ATP10B: variants seen among roughly 807,000 people sequenced by gnomAD.
ATP10B encodes phospholipid-transporting ATPase VB.
In ATP10B, 122 loss-of-function variants were observed where a neutral mutation model predicts 141.2. The ratio of observed to expected loss-of-function variants is 0.86; its 90% CI spans 0.75 to 1.00. The LOEUF (loss-of-function observed/expected upper bound fraction) is 1.00. Among genes scored for constraint, ATP10B ranks in the 50% least tolerant of loss-of-function variants. The pLI, the probability that ATP10B is intolerant of heterozygous loss-of-function variation, is 0.00. For missense variants in ATP10B, 1,876 were observed against 1,825.3 expected (o/e 1.03, Z -0.51); for synonymous variants, 685 against 692.0 (o/e 0.99, Z 0.16).
chr5:160,676,458 A>G (rs1406714573), intron 6 of ATP10B, among the ~76,000 whole-genome samples: 2 of 152,184 alleles, frequency 1.3e-5, no homozygotes, highest in Non-Finnish European at 2.9e-5. Context: ...TTGTTGCCAC[A>G]CTTCCCTGTA....
chr5:160,843,392 T>G (rs1775922999), intron 1 of ATP10B, among the ~76,000 whole-genome samples: 1 of 152,102 alleles, frequency 6.6e-6, no homozygotes, highest in African/African-American at 2.4e-5. Flanking sequence ...AATTGCCAGC[T>G]TTCCAAAGGT....
At chr5:160,878,300 T>G in the ATP10B span, among the ~76,000 whole-genome samples, 1 of 151,846 alleles carries the variant, frequency 6.6e-6, no homozygotes, top group Non-Finnish European at 1.5e-5. Flanking sequence ...CCCTATTTAA[T>G]AAATGGTGCT....
rs759268839 is a variant in ATP10B, at chr5:160,730,942, T to C, written c.-330-13908A>G. 1.9e-4 allele frequency among the ~76,000 whole-genome samples: 29 copies of C among 152,228 alleles called. 1 individual carries two copies. The highest frequency in any genetic ancestry group is 4.4e-5 in the Non-Finnish European group (3 of 68,040). ...GCTGCTGAGGCCGCTGGAGTTGTCCTGGCCCCTGTCCTTTCTGAGACCTGG... is the reference window on the plus strand; with the variant it reads ...GCTGCTGAGGCCGCTGGAGTTGTCCCGGCCCCTGTCCTTTCTGAGACCTGG... On this transcript the variant is annotated intron_variant, in intron 2 of 25. Transcript: ENST00000327245.
intron 1 of ATP10B, among the ~76,000 whole-genome samples, chr5:160,789,377 G>A (rs1034218478): frequency 2.0e-5 from 3 of 152,002 alleles, no homozygotes; most frequent in African/African-American, 2.4e-5. Flanking sequence ...CCTACTCTAC[G>A]CCTAGGCTGT....
intron 7 of ATP10B, among the ~76,000 whole-genome samples, chr5:160,652,876 A>C (rs1413933248): frequency 4.0e-5 from 2 of 49,420 alleles, no homozygotes; most frequent in Non-Finnish European, 7.3e-5. Context: ...TAATATATAT[A>C]ATATATATAT....
At chr5:160,626,733 G>A (rs79254659) in intron 13 of ATP10B, among the ~76,000 whole-genome samples, 1,913 of 152,288 alleles carry the variant, frequency 0.013, 51 homozygotes, top group African/African-American at 0.044. Flanking sequence ...CTGCTGCTCC[G>A]AGGACCACAG....
intron 7 of ATP10B, among the ~76,000 whole-genome samples, chr5:160,668,805 G>A (rs1762483331): frequency 6.6e-6 from 1 of 152,166 alleles, no homozygotes; most frequent in East Asian, 1.9e-4. Flanking sequence ...GCAAAACCAT[G>A]GGATAGCTAT....
chr5:160,920,920 TAC>T, the ATP10B span, among the ~76,000 whole-genome samples: 6 of 152,200 alleles, frequency 3.9e-5, no homozygotes, highest in African/African-American at 1.4e-4. Flanking sequence ...GTTTTAAGGA[TAC>T]AGTCTCAGTT....
chr5:160,589,788 T>C (rs1209203207), intron 23 of ATP10B, 92 bp from the exon 24 acceptor site: 1 of 913,300 alleles, frequency 1.1e-6, no homozygotes, highest in African/African-American at 1.6e-5. Flanking sequence ...ATGAAGGCAG[T>C]TGTCAATGGA....
chr5:160,768,540 A>G (rs1246363400), intron 2 of ATP10B, among the ~76,000 whole-genome samples: 2 of 152,182 alleles, frequency 1.3e-5, no homozygotes. Context: ...AATCAGTACC[A>G]TGGCATTAGG....
At chr5:160,754,073 G>T (rs2127827138) in intron 2 of ATP10B, among the ~76,000 whole-genome samples, 1 of 152,194 alleles carries the variant, frequency 6.6e-6, no homozygotes, top group African/African-American at 2.4e-5. Flanking sequence ...TACACAAATG[G>T]GCTTTGAGTC....
intron 1 of ATP10B, among the ~76,000 whole-genome samples, chr5:160,821,504 T>TA (rs954435056): frequency 5.9e-5 from 9 of 151,902 alleles, no homozygotes; most frequent in Admixed American, 2.0e-4. Flanking sequence ...TACAGAAATA[T>TA]AAAAAAATCT....
At chr5:160,823,693 G>A (rs1257858461) in intron 1 of ATP10B, among the ~76,000 whole-genome samples, 1 of 152,046 alleles carries the variant, frequency 6.6e-6, no homozygotes, top group Non-Finnish European at 1.5e-5. Context: ...AATTAGCCAG[G>A]CGTGGTGGCA....
At chr5:160,580,592 T>G (rs752662980) in intron 24 of ATP10B, among the ~76,000 whole-genome samples, 2 of 152,256 alleles carry the variant, frequency 1.3e-5, no homozygotes, top group Non-Finnish European at 2.9e-5. Context: ...TTTGCATCAA[T>G]GTTTAACAGG....
Position 160,565,659 on chromosome 5 carries a change from C to T in ATP10B, c.4180G>A (p.Glu1394Lys). ...SSNPPKRKHV[E>K]ESVLHEQRCG... ...CTCTGTTCGTGGAGTACTGACTCTTCCACATGCTTCCTCTTGGGAGGGTTA... is the reference window on the plus strand; with the variant it reads ...CTCTGTTCGTGGAGTACTGACTCTTTCACATGCTTCCTCTTGGGAGGGTTA... Residue 1394 changes from glutamate to lysine, a missense_variant, in exon 26 of 26, where the codon GAA (glutamate) becomes AAA (lysine). Physicochemically the swap from Glu to Lys is moderately conservative, Grantham distance 56 (BLOSUM62 1). Coordinates refer to ENST00000327245, the MANE Select transcript of ATP10B (RefSeq NM_025153.3). 6.2e-7 allele frequency: 1 copy of T among 1,614,110 alleles called. No homozygotes were observed. The highest frequency in any genetic ancestry group is 8.5e-7 in the Non-Finnish European group (1 of 1,179,980).
chr5:160,764,058 G>A (rs943406172), intron 2 of ATP10B, among the ~76,000 whole-genome samples: 2 of 152,016 alleles, frequency 1.3e-5, no homozygotes, highest in African/African-American at 4.8e-5. Flanking sequence ...GATTGAAACA[G>A]TAATTTAAAA....
intron 1 of ATP10B, among the ~76,000 whole-genome samples, chr5:160,817,082 A>G (rs1400572005): frequency 6.6e-6 from 1 of 152,226 alleles, no homozygotes; most frequent in East Asian, 1.9e-4. Flanking sequence ...ATTCCCTTTG[A>G]AAACTGGCAC....
At chr5:160,904,209 C>T in the ATP10B span, among the ~76,000 whole-genome samples, 6 of 152,154 alleles carry the variant, frequency 3.9e-5, no homozygotes, top group South Asian at 1.2e-3. Context: ...AACTGCAGAA[C>T]ATTGTTAGTC....
intron 7 of ATP10B, among the ~76,000 whole-genome samples, chr5:160,649,564 A>C (rs1220434481): frequency 6.6e-6 from 1 of 152,234 alleles, no homozygotes; most frequent in Non-Finnish European, 1.5e-5. Context: ...GAATGTTCTG[A>C]GTCTGCATTG....
Sources: allele counts gnomAD v4.1 joint callset (sites outside exome capture counted in the v4.1 genomes callset), GRCh38; gene constraint gnomAD v4.1.1; transcripts MANE v1.5; gene names NCBI Gene and HGNC (gene_info 2026-07-23, HGNC 2026-07-21).